Variants in NHSL1 observed in about 807,000 individuals in gnomAD.
The protein encoded by NHSL1 is NHS like 1.
In NHSL1, 48 loss-of-function variants were observed where a neutral mutation model predicts 95.0. The observed-to-expected ratio is 0.51, with a 90% CI of 0.40 to 0.64. The LOEUF (loss-of-function observed/expected upper bound fraction) is 0.64, where lower values mean the gene tolerates loss of function less well. NHSL1 is among the 30% of genes least tolerant of loss of function. The probability of loss-of-function intolerance (pLI) is 0.00; values close to 1 mark genes in which losing one functional copy is unlikely to be tolerated. For missense variants in NHSL1, 1,971 were observed against 2,077.7 expected, an observed-to-expected ratio of 0.95 and a Z score of 1.00; for synonymous variants, 783 against 833.9, an observed-to-expected ratio of 0.94 and a Z score of 1.05.
chr6:138,575,117 T>A (rs1236747597), upstream of NHSL1, among the ~76,000 whole-genome samples: 1 of 152,142 alleles, frequency 6.6e-6, no homozygotes, highest in Non-Finnish European at 1.5e-5. Context: ...CAGGCTGGTC[T>A]CGAACTCCCA....
chr6:138,668,019 T>G (rs1417952933), intron 1 of NHSL1, among the ~76,000 whole-genome samples: 2 of 152,248 alleles, frequency 1.3e-5, no homozygotes. Flanking sequence ...TGTTTTTGAC[T>G]GTGTGGTACA....
intron 1 of NHSL1, among the ~76,000 whole-genome samples, chr6:138,610,674 A>T (rs1784500011): frequency 6.6e-6 from 1 of 151,912 alleles, no homozygotes; most frequent in African/African-American, 2.4e-5. Flanking sequence ...CCACCCAAAG[A>T]CTCATAGGTA....
At chr6:138,586,420 C>A (rs1342867628) in intron 1 of NHSL1, among the ~76,000 whole-genome samples, 1 of 152,148 alleles carries the variant, frequency 6.6e-6, no homozygotes, top group Non-Finnish European at 1.5e-5. Flanking sequence ...ATAACATAGT[C>A]CAACATCAGT....
chr6:138,688,363 G>A (rs925011587), intron 1 of NHSL1, among the ~76,000 whole-genome samples: 2 of 151,658 alleles, frequency 1.3e-5, no homozygotes, highest in African/African-American at 2.4e-5. Context: ...ATAAAAACAG[G>A]GGCCAGGCAC....
At chr6:138,489,154 T>C (rs1217851430) in intron 2 of NHSL1, among the ~76,000 whole-genome samples, 2 of 152,172 alleles carry the variant, frequency 1.3e-5, no homozygotes, top group African/African-American at 4.8e-5. Context: ...AACTAAATCC[T>C]GAGGCCATTT....
chr6:138,538,387 T>C (rs1457193310), intron 1 of NHSL1, among the ~76,000 whole-genome samples: 7 of 152,174 alleles, frequency 4.6e-5, no homozygotes. Context: ...TTGCTCTGTT[T>C]GGAATTAGAA....
At chr6:138,474,521 G>C (rs1374135532) in intron 2 of NHSL1, among the ~76,000 whole-genome samples, 1 of 152,126 alleles carries the variant, frequency 6.6e-6, no homozygotes, top group East Asian at 1.9e-4. Flanking sequence ...ACCTCACAGA[G>C]GGAGTGGAAG....
intron 1 of NHSL1, among the ~76,000 whole-genome samples, chr6:138,641,323 G>A (rs1380887124): frequency 6.6e-6 from 1 of 152,152 alleles, no homozygotes; most frequent in South Asian, 2.1e-4. Context: ...TGAAGAGAAT[G>A]CAGAACGTGA....
intron 1 of NHSL1, among the ~76,000 whole-genome samples, chr6:138,646,117 T>C (rs889725814): frequency 1.3e-5 from 2 of 152,190 alleles, no homozygotes; most frequent in African/African-American, 4.8e-5. Flanking sequence ...TACAATAGCC[T>C]TTCCAATGCA....
rs1386324776 is a variant in NHSL1 at position 138,431,275 on chromosome 6, G to T, written c.3070C>A (p.Pro1024Thr). 12 of 1,502,858 alleles carry T rather than the reference G, an allele frequency of 8.0e-6. No individual in the cohort carries two copies. Among genetic ancestry groups the T allele is most frequent in the Non-Finnish European group, 1.1e-5 (12 of 1,122,336 alleles). The allele number at this position is 1,502,858 out of a possible 1,614,324, so 93.1% of individuals were successfully genotyped here. ...LLPSSEPPPA[P>T]PLDPKFMKDT... is the part of the protein sequence containing the mutation. The stretch of plus-strand genomic sequence containing the variant: ...TTCATGAATTTGGGGTCAAGAGGTG[G>T]GGCAGGTGGGGGTTCCGAGGAAGGT... Residue 1024 changes from proline (P) to threonine (T), a missense_variant, in exon 6 of 8, where the codon CCA becomes ACA. By Grantham distance (38) the Pro-to-Thr change is conservative. Transcript: ENST00000343505. This position sits in a 1 kb window ranked among gnomAD's most constrained non-coding sequence, Gnocchi z 4.0.
intron 1 of NHSL1, among the ~76,000 whole-genome samples, chr6:138,619,101 G>A (rs1784619512): frequency 6.6e-6 from 1 of 152,172 alleles, no homozygotes; most frequent in African/African-American, 2.4e-5. Flanking sequence ...ACTCTGGAAG[G>A]CCAAAGCAGG....
upstream of NHSL1, among the ~76,000 whole-genome samples, chr6:138,502,411 G>A (rs9389586): frequency 0.23 from 34,654 of 151,584 alleles, 4,440 homozygotes; most frequent in Middle Eastern, 0.42. Flanking sequence ...CAATTTATAC[G>A]TGCAACAGAA....
intron 1 of NHSL1, among the ~76,000 whole-genome samples, chr6:138,632,310 A>G (rs929075743): frequency 6.6e-6 from 1 of 152,206 alleles, no homozygotes; most frequent in Non-Finnish European, 1.5e-5. Context: ...CCCTGAAGGC[A>G]AGGACACAGG....
chr6:138,442,243 T>G, intron 4 of NHSL1, 129 bp from the exon 5 acceptor site: 1 of 968,084 alleles, frequency 1.0e-6, no homozygotes, highest in African/African-American at 1.7e-5. Flanking sequence ...CATATGATGA[T>G]GAATGCTGAA....
chr6:138,680,259 A>G (rs1473513849), intron 1 of NHSL1, among the ~76,000 whole-genome samples: 1 of 152,180 alleles, frequency 6.6e-6, no homozygotes, highest in Non-Finnish European at 1.5e-5. Context: ...CTAGAGAAAA[A>G]TAACTCCACT....
chr6:138,619,947 CAAAAA>C (rs11376703), intron 1 of NHSL1, among the ~76,000 whole-genome samples: 1 of 102,200 alleles, frequency 9.8e-6, no homozygotes, highest in Non-Finnish European at 2.0e-5. Flanking sequence ...AACTCTATCA[CAAAAA>C]AAAAAAAAAA....
chr6:138,578,108 G>A (rs1037226274), intron 1 of NHSL1, among the ~76,000 whole-genome samples: 1 of 152,150 alleles, frequency 6.6e-6, no homozygotes, highest in Non-Finnish European at 1.5e-5. Context: ...ATTAAACCCT[G>A]GCTTTAAAAG....
Position 138,643,602 on chromosome 6 carries a change from C to T in NHSL1, c.96+48874G>A, listed in dbSNP as rs368453863. Among the ~76,000 whole-genome samples the T allele has an allele frequency of 1.1e-4, 17 of 152,294 alleles. 1 individual carries two copies. The South Asian group carries it at 3.5e-3, about 32-fold the overall frequency. The stretch of plus-strand genomic sequence containing the variant: ...AGATGGAAACATACCTGAATTAGCA[C>T]TTAGAACCTCTGACAAATAGTATGC... On this transcript the variant is annotated intron_variant, in intron 1 of 3. Coordinates refer to the NHSL1 transcript ENST00000491526.
intron 1 of NHSL1, among the ~76,000 whole-genome samples, chr6:138,539,204 A>G (rs957984154): frequency 1.3e-5 from 2 of 152,234 alleles, no homozygotes; most frequent in Non-Finnish European, 2.9e-5. Context: ...ATTTTATAAA[A>G]TAATTAATGT....
Sources: gnomAD v4.1 joint callset for allele counts (sites outside exome capture counted in the v4.1 genomes callset) on GRCh38, gnomAD v4.1.1 for gene constraint, Gnocchi (gnomAD v3.1) non-coding constraint, MANE v1.5 for transcripts, NCBI Gene and HGNC (gene_info 2026-07-23, HGNC 2026-07-21) for gene names.